The following ARHGEF10 variants were observed in gnomAD, a reference collection of about 807,000 sequenced individuals.
ARHGEF10 encodes the protein Rho guanine nucleotide exchange factor 10.
ARHGEF10 carries 140 observed loss-of-function variants against 147.4 expected under a neutral mutation model. That is an observed-to-expected ratio of 0.95 (90% CI 0.83 to 1.09). The LOEUF (loss-of-function observed/expected upper bound fraction) is 1.09, where lower values mean the gene tolerates loss of function less well. Ranked by LOEUF, ARHGEF10 falls within the 50% of genes least tolerant of loss-of-function variation. The probability of loss-of-function intolerance (pLI) is 0.00; values close to 1 mark genes in which losing one functional copy is unlikely to be tolerated. For missense variants in ARHGEF10, 2,222 were observed against 1,752.7 expected, an observed-to-expected ratio of 1.27 and a Z score of -4.78; for synonymous variants, 902 against 695.8, an observed-to-expected ratio of 1.30 and a Z score of -4.67.
At chr8:1,829,594 T>G (rs1348506754) in intron 1 of ARHGEF10, among the ~76,000 whole-genome samples, 1 of 152,190 alleles carries the variant, frequency 6.6e-6, no homozygotes, top group Non-Finnish European at 1.5e-5. Flanking sequence ...CTTCGTGGCT[T>G]TCTGTCGTTT....
chr8:1,952,622 G>T, intron 27 of ARHGEF10, 83 bp from the exon 28 acceptor site: 1 of 1,572,222 alleles, frequency 6.4e-7, no homozygotes, highest in Non-Finnish European at 8.7e-7. Context: ...CGACAGGCCT[G>T]TGGGGTTTCC....
In ARHGEF10 at chr8:1,866,596, A is replaced by G. The variant is rs766153947; in HGVS notation, c.616A>G (p.Met206Val). 6.2e-7 allele frequency: 1 copy of G among 1,605,042 alleles called. No individual in the cohort carries two copies. Among genetic ancestry groups the G allele is most frequent in the South Asian group, 1.1e-5 (1 of 91,072 alleles). The part of the protein sequence containing the change: ...WAADPANTAW[M>V]ENPEEAIYDD... The stretch of plus-strand genomic sequence containing the variant: ...CGCAGACCCGGCCAACACAGCCTGG[A>G]TGGAGAGTAAGTTCCCCAGCTGCCC... The change falls in exon 6 of 29, where the codon ATG (methionine) becomes GTG (valine). Residue 206 changes from methionine to valine, a missense_variant. Transcript: ENST00000349830.
intron 23 of ARHGEF10, among the ~76,000 whole-genome samples, chr8:1,927,774 C>G (rs1374784545): frequency 6.6e-6 from 1 of 152,116 alleles, no homozygotes; most frequent in Non-Finnish European, 1.5e-5. Context: ...AACCCCATCT[C>G]TACTAAGAAT....
chr8:1,886,954 A>G (rs989521686), intron 11 of ARHGEF10, among the ~76,000 whole-genome samples: 2 of 152,138 alleles, frequency 1.3e-5, no homozygotes, highest in African/African-American at 4.8e-5. Flanking sequence ...GGAACAGAGG[A>G]TCTAGCGCTT....
chr8:1,955,113 T>A lies in ARHGEF10; in HGVS notation c.3521-1636T>A, dbSNP rs61124288. Among the ~76,000 whole-genome samples the A allele has an allele frequency of 1.3e-3, 77 of 60,720 alleles. 2 individuals are homozygous for A. The highest frequency in any genetic ancestry group is 0.011 in the Middle Eastern group (1 of 92). The allele number at this position is 60,720 out of a possible 152,430, so 39.8% of individuals were successfully genotyped here. The stretch of plus-strand genomic sequence containing the variant: ...GTTCCTCTGGAGGATAGCCAGGTGC[T>A]CCCTGAAAGGAGGTGCACTCTCACT... On this transcript the variant is annotated intron_variant, in intron 28 of 28. Coordinates refer to ENST00000349830, the MANE Select transcript of ARHGEF10 (RefSeq NM_014629.4).
intron 7 of ARHGEF10, chr8:1,871,223 A>T (rs575408282): frequency 6.6e-6 from 1 of 152,220 alleles, no homozygotes; most frequent in South Asian, 2.1e-4. Context: ...GTTCCAGAAT[A>T]TGTATTTTTT....
At position 1,858,128 on chromosome 8, in the gene ARHGEF10, GA is replaced by G. The variant is rs775425610; in HGVS notation, c.193+14del. On this transcript the variant is annotated intron_variant, in intron 3 of 28. Coordinates refer to ENST00000349830, the MANE Select transcript of ARHGEF10 (RefSeq NM_014629.4). ...CCTGCACCCACAGGTGAGTTTCCAG[GA>G]GGGTCCCCAGGTGAGTCCCCAGGTG... 6.8e-6 allele frequency: 11 copies of G among 1,612,280 alleles called. No individual in the cohort carries two copies. In the South Asian group the frequency reaches 1.2e-4, roughly 18 times the overall value.
intron 7 of ARHGEF10, chr8:1,871,129 A>AAG (rs2129096992): frequency 6.6e-6 from 1 of 151,796 alleles, no homozygotes; most frequent in South Asian, 2.1e-4. Context: ...AAAAAAAAAA[A>AAG]AAAAATCAGT....
intron 11 of ARHGEF10, among the ~76,000 whole-genome samples, chr8:1,892,225 G>A (rs901132413): frequency 2.7e-5 from 4 of 148,296 alleles, no homozygotes; most frequent in African/African-American, 7.5e-5. Context: ...GTGCTCTGAC[G>A]TTTCCTGTGA....
chr8:1,934,514 T>A (rs142932297), intron 26 of ARHGEF10, among the ~76,000 whole-genome samples: 2 of 152,358 alleles, frequency 1.3e-5, no homozygotes, highest in African/African-American at 4.8e-5. Context: ...AGAAATGTGT[T>A]CAGTATGAAC....
At position 1,937,440 on chromosome 8, in the gene ARHGEF10, C is replaced by G. The variant is rs1381195220; in HGVS notation, c.3222+3498C>G. Among the ~76,000 whole-genome samples, 1 of 152,196 alleles carries G rather than the reference C, an allele frequency of 6.6e-6. No individual in the cohort carries two copies. The highest frequency in any genetic ancestry group is 2.4e-5 in the African/African-American group (1 of 41,462). On this transcript the variant is annotated intron_variant, in intron 26 of 28. Coordinates refer to ENST00000349830, the MANE Select transcript of ARHGEF10 (RefSeq NM_014629.4). The surrounding 1 kb of genome is among the most constrained non-coding windows in gnomAD (Gnocchi z 4.9). ...CCTGGGTCTCAATTGTCTGAGCTGA[C>G]AGCTGGGGGTAATTCCCCTTTCTCA...
At chr8:1,833,156 A>G (rs1803345189) in intron 1 of ARHGEF10, among the ~76,000 whole-genome samples, 1 of 151,390 alleles carries the variant, frequency 6.6e-6, no homozygotes, top group South Asian at 2.1e-4. Context: ...AAGCAGAGAC[A>G]GAGGCAGAGA....
intron 1 of ARHGEF10, among the ~76,000 whole-genome samples, chr8:1,829,315 C>CA (rs1431167955): frequency 6.6e-6 from 1 of 152,260 alleles, no homozygotes; most frequent in Admixed American, 6.5e-5. Flanking sequence ...ATGGTGCGTG[C>CA]AGTTCTGAGC....
At chr8:1,855,436 C>T (rs963886969) in intron 2 of ARHGEF10, among the ~76,000 whole-genome samples, 1 of 152,124 alleles carries the variant, frequency 6.6e-6, no homozygotes, top group African/African-American at 2.4e-5. Flanking sequence ...GGCTGCAGTG[C>T]GGTGGCGCAA....
chr8:1,837,727 G>A (rs371665042), intron 1 of ARHGEF10, among the ~76,000 whole-genome samples: 1 of 152,126 alleles, frequency 6.6e-6, no homozygotes, highest in African/African-American at 2.4e-5. Flanking sequence ...TGAGAACAGA[G>A]CGTGGGTTAC....
intron 2 of ARHGEF10, 42 bp from the exon 3 acceptor site, chr8:1,857,918 C>G (rs763092598): frequency 1.4e-6 from 2 of 1,445,648 alleles, no homozygotes; most frequent in Admixed American, 1.7e-5. Flanking sequence ...ATCTATCTAT[C>G]TATCTATCTC....
intron 18 of ARHGEF10, among the ~76,000 whole-genome samples, chr8:1,919,104 T>A (rs982094663): frequency 4.1e-5 from 6 of 147,126 alleles, no homozygotes; most frequent in African/African-American, 1.5e-4. Context: ...CTTCCGTGGG[T>A]GATGGAGCTG....
At chr8:1,902,149 C>T (rs1054280672) in intron 15 of ARHGEF10, among the ~76,000 whole-genome samples, 2 of 152,090 alleles carry the variant, frequency 1.3e-5, no homozygotes, top group African/African-American at 4.8e-5. Context: ...TCCCTCCCCT[C>T]ACCCCCCGCC....
In ARHGEF10 at chr8:1,946,449, G is replaced by A. The variant is rs536865797; in HGVS notation, c.3397+794G>A. On this transcript the variant is annotated intron_variant, in intron 27 of 28. Transcript: ENST00000349830. ...CATGCCGGGGAGCACGGTGCCTGCA[G>A]GGCCGGTTTCTGGGAGGATCTGCTT... Among the ~76,000 whole-genome samples the A allele has an allele frequency of 2.6e-5, 4 of 152,314 alleles. No individual in the cohort carries two copies. In the East Asian group the frequency reaches 7.8e-4, roughly 30 times the overall value.
Sources: gnomAD v4.1 joint callset for allele counts (sites outside exome capture counted in the v4.1 genomes callset) on GRCh38, gnomAD v4.1.1 for gene constraint, Gnocchi (gnomAD v3.1) non-coding constraint, MANE v1.5 for transcripts, NCBI Gene and HGNC (gene_info 2026-07-23, HGNC 2026-07-21) for gene names.